Variants in DUS2 observed in about 807,000 individuals in gnomAD.
The protein encoded by DUS2 is dihydrouridine synthase 2.
DUS2 carries 52 observed loss-of-function variants against 71.3 expected under a neutral mutation model. The ratio of observed to expected loss-of-function variants is 0.73; its 90% CI spans 0.58 to 0.92. The LOEUF is 0.92. Among genes scored for constraint, DUS2 ranks in the 40% least tolerant of loss-of-function variants. DUS2 has a pLI of 0.00. For synonymous variants in DUS2, 204 were observed against 227.8 expected (o/e 0.90, Z 0.94); for missense variants, 558 against 622.6 (o/e 0.90, Z 1.10).
chr16:68,023,707 C>T (rs1266192684), intron 1 of DUS2: 1 of 168,374 alleles, frequency 5.9e-6, no homozygotes. Flanking sequence ...GGGCTCAACC[C>T]CTCACCCTCT....
chr16:68,050,038 G>T (rs1331377117), intron 4 of DUS2, among the ~76,000 whole-genome samples: 2 of 152,190 alleles, frequency 1.3e-5, no homozygotes, highest in Non-Finnish European at 2.9e-5. Flanking sequence ...TGATTGTGAT[G>T]AATTGTAGTT....
At chr16:68,048,510 G>A (rs534458723) in intron 3 of DUS2, among the ~76,000 whole-genome samples, 1 of 152,312 alleles carries the variant, frequency 6.6e-6, no homozygotes, top group Admixed American at 6.5e-5. Context: ...TTCAGGCCTA[G>A]TGGTCATCAG....
intron 3 of DUS2, among the ~76,000 whole-genome samples, chr16:68,047,989 C>T (rs2033729362): frequency 6.6e-6 from 1 of 151,794 alleles, no homozygotes; most frequent in African/African-American, 2.4e-5. Flanking sequence ...CACTTTGTTG[C>T]CCAGGCTGGT....
intron 8 of DUS2, among the ~76,000 whole-genome samples, chr16:68,061,623 T>C (rs901276832): frequency 2.0e-5 from 3 of 152,232 alleles, no homozygotes; most frequent in Non-Finnish European, 4.4e-5. Flanking sequence ...AGTTAGTCTC[T>C]CTCTGTTCCC....
chr16:68,025,896 A>C (rs184740441), intron 2 of DUS2, among the ~76,000 whole-genome samples: 172 of 152,292 alleles, frequency 1.1e-3, no homozygotes, highest in South Asian at 6.4e-3. Context: ...CATTCATTCA[A>C]CAAATACTTC....
chr16:68,024,860 C>G lies in DUS2; in HGVS notation c.-98-555C>G, dbSNP rs79972516. On this transcript the variant is annotated intron_variant, in intron 1 of 16. Transcript: ENST00000565263. ...TTTTTTTTTTTTTTTTATAGACAGT[C>G]TCACTGTGTTGCCCAGGCTGGAGTA... Among the ~76,000 whole-genome samples, 721 of 145,244 alleles carry G rather than the reference C, an allele frequency of 5.0e-3. 8 individuals carry two copies. The highest frequency in any genetic ancestry group is 0.017 in the African/African-American group (683 of 39,240).
At position 68,038,890 on chromosome 16, in the gene DUS2, A is replaced by T. The variant is rs78778866; in HGVS notation, c.126+741A>T. ...ATAGTGAGACTCTATCTCTTTTTTT[A>T]AAAAAATTTATATATTAAAAAAAAT... is the stretch of plus-strand genomic sequence containing the variant. On this transcript the variant is annotated intron_variant, in intron 3 of 16. Transcript: ENST00000565263. Among the ~76,000 whole-genome samples the T allele has an allele frequency of 6.8e-3, 1,021 of 150,898 alleles. 18 individuals carry two copies. Among genetic ancestry groups the T allele is most frequent in the African/African-American group, 0.023 (961 of 41,250 alleles).
rs150676760 is a variant in DUS2 at position 68,056,309 on chromosome 16, A to G, written c.309-55A>G. 6.6e-3 allele frequency: 10,107 copies of G among 1,524,618 alleles called. 40 individuals carry two copies. The highest frequency in any genetic ancestry group is 8.5e-3 in the Non-Finnish European group (9,315 of 1,101,894). 94.4% of individuals were successfully genotyped at this position (1,524,618 alleles called of 1,614,324 possible). A position where few individuals can be genotyped will look rare whatever the true frequency, so the allele number is the denominator to read the frequency against. On this transcript the variant is annotated intron_variant, in intron 6 of 16. Coordinates refer to ENST00000565263, the MANE Select transcript of DUS2 (RefSeq NM_017803.5). ...CAGGCCCATCCATGCCTTTAATTTC[A>G]CCTTCTTTGCTCTAATTCAATACTT... is the stretch of plus-strand genomic sequence containing the variant.
chr16:68,075,428 G>A lies in DUS2; in HGVS notation c.1006G>A (p.Ala336Thr), dbSNP rs141394018. The A allele has an allele frequency of 1.2e-6, 2 of 1,613,890 alleles. No individual in the cohort carries two copies. The highest frequency in any genetic ancestry group is 1.7e-5 in the Admixed American group (1 of 59,982). Residue 336 changes from alanine to threonine, a missense_variant, in exon 14 of 17, where the codon GCC (alanine) becomes ACC (threonine). Physicochemically the swap from Ala to Thr is moderately conservative, Grantham distance 58 (BLOSUM62 0). Transcript: ENST00000565263. ...GGATGCCCAGCAGGCCAGGCTCTCA[G>A]CCAAGACTTCAGAGCAGACAGGGGA... ...ELDAQQARLS[A>T]KTSEQTGEPA... is the part of the protein sequence containing the mutation.
chr16:68,038,223 C>A (rs1380621329), intron 3 of DUS2, 74 bp downstream of exon 3: 2 of 1,585,250 alleles, frequency 1.3e-6, no homozygotes, highest in African/African-American at 2.7e-5. Flanking sequence ...TGGGAGTGGT[C>A]AGGAGTTAGT....
intron 3 of DUS2, among the ~76,000 whole-genome samples, chr16:68,047,769 C>A (rs905709183): frequency 6.7e-6 from 1 of 150,242 alleles, no homozygotes; most frequent in African/African-American, 2.5e-5. Context: ...AGACATGAGC[C>A]ACCGTGCTGG....
At chr16:68,078,728 T>C (rs1462734678) in intron 16 of DUS2, 21 bp from the exon 17 acceptor site, 2 of 1,594,148 alleles carry the variant, frequency 1.3e-6, no homozygotes, top group South Asian at 2.2e-5. Context: ...CCCCTCACCT[T>C]ATTGCCCTCT....
chr16:68,024,366 T>C (rs1451933988), intron 1 of DUS2, among the ~76,000 whole-genome samples: 2 of 152,052 alleles, frequency 1.3e-5, no homozygotes, highest in Non-Finnish European at 2.9e-5. Context: ...CCCAAAGTGA[T>C]GGGATTATAA....
At chr16:68,046,722 C>T (rs2033706670) in intron 3 of DUS2, among the ~76,000 whole-genome samples, 1 of 151,814 alleles carries the variant, frequency 6.6e-6, no homozygotes, top group South Asian at 2.1e-4. Flanking sequence ...TCTTTAAGGT[C>T]AGAAGTAACG....
intron 8 of DUS2, among the ~76,000 whole-genome samples, chr16:68,064,455 A>G (rs1172733100): frequency 1.3e-5 from 2 of 152,234 alleles, no homozygotes; most frequent in African/African-American, 2.4e-5. Flanking sequence ...CTTGGATAAA[A>G]TAGCAAAAGG....
At position 68,076,721 on chromosome 16, in the gene DUS2, T is replaced by C; in HGVS notation, c.1170+2T>C. The C allele has an allele frequency of 6.2e-7, 1 of 1,613,304 alleles. No individual in the cohort carries two copies. Among genetic ancestry groups the C allele is most frequent in the Non-Finnish European group, 8.5e-7 (1 of 1,179,406 alleles). ...TTGGCACAGCCTGTGTATGAAACGG[T>C]GAGTTCCTGGCTGTGGCCTGCCCTG... is the stretch of plus-strand genomic sequence containing the variant. On this transcript the variant is annotated splice_donor_variant, in intron 15 of 16. Coordinates refer to ENST00000565263, the MANE Select transcript of DUS2 (RefSeq NM_017803.5). LOFTEE classifies it high-confidence loss of function.
intron 5 of DUS2, 200 bp downstream of exon 5, chr16:68,053,855 T>C: frequency 3.5e-6 from 2 of 572,468 alleles, no homozygotes; most frequent in Non-Finnish European, 6.2e-6. Context: ...GAAATCAAGC[T>C]ATCACAGTCT....
At chr16:68,040,031 G>T (rs1344886934) in intron 3 of DUS2, among the ~76,000 whole-genome samples, 1 of 152,062 alleles carries the variant, frequency 6.6e-6, no homozygotes, top group East Asian at 1.9e-4. Flanking sequence ...ATTCATTTGG[G>T]GGATTTGGCG....
intron 11 of DUS2, among the ~76,000 whole-genome samples, chr16:68,070,489 G>C (rs1340902671): frequency 1.3e-5 from 2 of 152,166 alleles, no homozygotes; most frequent in Non-Finnish European, 2.9e-5. Flanking sequence ...TGCAGGGAGG[G>C]GAAAGTATGA....
Sources: allele counts gnomAD v4.1 joint callset (sites outside exome capture counted in the v4.1 genomes callset), GRCh38; gene constraint gnomAD v4.1.1; transcripts MANE v1.5; gene names NCBI Gene and HGNC (gene_info 2026-07-23, HGNC 2026-07-21).